Variants in ICE2 observed in about 807,000 individuals in gnomAD.
ICE2 encodes interactor of little elongation complex ELL subunit 2, also known as little elongation complex subunit 2.
In ICE2, 87 loss-of-function variants were observed where a neutral mutation model predicts 105.4. That is an observed-to-expected ratio of 0.83 (90% CI 0.69 to 0.99). The LOEUF (loss-of-function observed/expected upper bound fraction) is 0.99, where lower values mean the gene tolerates loss of function less well. Among genes scored for constraint, ICE2 ranks in the 50% least tolerant of loss-of-function variants. The probability of loss-of-function intolerance (pLI) is 0.00; values close to 1 mark genes in which losing one functional copy is unlikely to be tolerated. For missense variants in ICE2, 1,323 were observed against 1,146.7 expected (o/e 1.15, Z -2.22); for synonymous variants, 399 against 392.0 (o/e 1.02, Z -0.21).
intron 12 of ICE2, chr15:60,441,891 A>G (rs1464493884): frequency 6.6e-6 from 1 of 152,260 alleles, no homozygotes; most frequent in East Asian, 1.9e-4. Context: ...TAGTGTCATT[A>G]TAAGAAAATT....
At chr15:60,476,699 A>T (rs2064772254) in intron 2 of ICE2, among the ~76,000 whole-genome samples, 1 of 152,236 alleles carries the variant, frequency 6.6e-6, no homozygotes, top group Non-Finnish European at 1.5e-5. Flanking sequence ...GATTTTTCAT[A>T]ACACCATAAT....
At chr15:60,428,079 G>A (rs1450751326) in intron 15 of ICE2, among the ~76,000 whole-genome samples, 1 of 152,010 alleles carries the variant, frequency 6.6e-6, no homozygotes, top group African/African-American at 2.4e-5. Context: ...AATACTTAAT[G>A]AAATGAAACC....
chr15:60,461,161 G>A (rs2064266678), intron 5 of ICE2, among the ~76,000 whole-genome samples: 1 of 151,886 alleles, frequency 6.6e-6, no homozygotes, highest in Non-Finnish European at 1.5e-5. Flanking sequence ...GAATCACTTG[G>A]GATAGGCAAA....
chr15:60,450,094 A>G (rs1005872828), intron 9 of ICE2, among the ~76,000 whole-genome samples: 1 of 152,236 alleles, frequency 6.6e-6, no homozygotes, highest in African/African-American at 2.4e-5. Context: ...TGGAATATTT[A>G]CAAACTACCA....
chr15:60,427,217 G>A (rs1219825148), intron 15 of ICE2, among the ~76,000 whole-genome samples: 1 of 152,102 alleles, frequency 6.6e-6, no homozygotes, highest in Non-Finnish European at 1.5e-5. Context: ...AAGGATTTGA[G>A]GACATTTACA....
intron 5 of ICE2, 32 bp downstream of exon 5, chr15:60,466,562 G>C (rs775752931): frequency 1.2e-6 from 2 of 1,605,190 alleles, no homozygotes; most frequent in South Asian, 2.2e-5. Context: ...CTATCACTTC[G>C]CAATTTACAC....
intron 9 of ICE2, 185 bp downstream of exon 9, chr15:60,453,418 G>C: frequency 7.3e-7 from 1 of 1,370,668 alleles, no homozygotes; most frequent in Non-Finnish European, 9.5e-7. Context: ...TATGAAAGGA[G>C]AAAACTTAGG....
chr15:60,435,995 GAC>G, intron 13 of ICE2, 146 bp downstream of exon 13: 1 of 425,400 alleles, frequency 2.4e-6, no homozygotes, highest in South Asian at 5.9e-5. Flanking sequence ...CAAAAAAAAA[GAC>G]AAAACAAAAC....
chr15:60,432,029 T>C, intron 13 of ICE2, 45 bp from the exon 14 acceptor site: 3 of 1,120,448 alleles, frequency 2.7e-6, no homozygotes, highest in Non-Finnish European at 2.6e-6. Flanking sequence ...TGCAAAAAAC[T>C]TACTTTTAGC....
intron 5 of ICE2, among the ~76,000 whole-genome samples, chr15:60,465,104 C>T (rs1490408250): frequency 6.6e-6 from 1 of 152,142 alleles, no homozygotes; most frequent in African/African-American, 2.4e-5. Context: ...TATTTAGGTT[C>T]ACAGAAAATA....
At chr15:60,463,083 A>T (rs2064323955) in intron 5 of ICE2, among the ~76,000 whole-genome samples, 1 of 152,208 alleles carries the variant, frequency 6.6e-6, no homozygotes, top group Admixed American at 6.5e-5. Context: ...CCTAATTGTA[A>T]GTAAATATAA....
Position 60,423,656 on chromosome 15 carries a change from G to A in ICE2, c.2927C>T (p.Pro976Leu), listed in dbSNP as rs895452173. ...AQQVETEGVA[P>L]HKRKIT ...TCCTCAAGTTATTTTTCTTTTATGT[G>A]GAGCCACTCCTTCAGTTTCAACTTG... Residue 976 changes from proline to leucine, a missense_variant, in exon 16 of 16, where the codon CCA becomes CTA. By Grantham distance (98) the Pro-to-Leu change is moderately conservative. Coordinates refer to ENST00000261520, the MANE Select transcript of ICE2 (RefSeq NM_024611.6). 2 of 1,607,804 alleles carry A rather than the reference G, an allele frequency of 1.2e-6. No individual in the cohort carries two copies. Among genetic ancestry groups the A allele is most frequent in the Non-Finnish European group, 1.7e-6 (2 of 1,178,226 alleles).
At chr15:60,434,641 TTAAA>T (rs1331758985) in intron 13 of ICE2, among the ~76,000 whole-genome samples, 1 of 151,730 alleles carries the variant, frequency 6.6e-6, no homozygotes, top group African/African-American at 2.4e-5. Flanking sequence ...AGTCATTATG[TTAAA>T]TAAATCAGGC....
intron 7 of ICE2, 69 bp from the exon 8 acceptor site, chr15:60,455,231 A>C (rs2064072702): frequency 6.6e-7 from 1 of 1,523,134 alleles, no homozygotes; most frequent in Non-Finnish European, 8.9e-7. Context: ...AGAACAAAAA[A>C]AGTCAGAAAG....
At chr15:60,435,287 C>T (rs1389065363) in intron 13 of ICE2, among the ~76,000 whole-genome samples, 2 of 147,744 alleles carry the variant, frequency 1.4e-5, no homozygotes, top group East Asian at 4.1e-4. Context: ...TCTCAAAAAA[C>T]AAAACAAAAC....
chr15:60,425,431 G>A (rs2063320111), intron 15 of ICE2, among the ~76,000 whole-genome samples: 1 of 152,190 alleles, frequency 6.6e-6, no homozygotes, highest in South Asian at 2.1e-4. Context: ...GTCTGAATGT[G>A]TAAAATAAAT....
rs1421970386 is a variant in ICE2, at chr15:60,449,533, A to G, written c.1434T>C (p.Pro478=). 1 of 1,614,120 alleles carries G rather than the reference A, an allele frequency of 6.2e-7. No homozygotes were observed. The change falls in exon 10 of 16, where the codon CCT becomes CCC. Residue 478 remains proline, a synonymous_variant. Transcript: ENST00000261520. The stretch of plus-strand genomic sequence containing the variant: ...GATCATCTTTATTTTTGCATTCCTC[A>G]GGGCCACCATCCATACCAGTGACCA... ...KQLVTGMDGG[P]EECKNKDDQG...
intron 6 of ICE2, among the ~76,000 whole-genome samples, chr15:60,456,418 C>T (rs1289852481): frequency 2.0e-5 from 3 of 149,574 alleles, no homozygotes; most frequent in Non-Finnish European, 3.0e-5. Context: ...GTGGCAGGCG[C>T]CTGTAATTCC....
At chr15:60,432,606 A>C (rs967854138) in intron 13 of ICE2, among the ~76,000 whole-genome samples, 2 of 151,784 alleles carry the variant, frequency 1.3e-5, no homozygotes, top group African/African-American at 4.8e-5. Flanking sequence ...TAAAAAAAAA[A>C]CGCTGGCCGG....
Sources: allele counts gnomAD v4.1 joint callset (sites outside exome capture counted in the v4.1 genomes callset), GRCh38; gene constraint gnomAD v4.1.1; transcripts MANE v1.5; gene names NCBI Gene and HGNC (gene_info 2026-07-23, HGNC 2026-07-21).